Variants in ETFA observed in about 807,000 individuals in gnomAD.
ETFA encodes the protein electron transfer flavoprotein subunit alpha, also known as electron transfer flavoprotein subunit alpha, mitochondrial.
In ETFA, 22 loss-of-function variants were observed where a neutral mutation model predicts 46.2. The observed-to-expected ratio is 0.48, with a 90% CI of 0.34 to 0.68. ETFA has a LOEUF of 0.68. ETFA is among the 30% of genes least tolerant of loss of function. ETFA has a pLI of 0.01. For synonymous variants in ETFA, 131 were observed against 139.9 expected (o/e 0.94, Z 0.45); for missense variants, 345 against 401.1 (o/e 0.86, Z 1.19).
At chr15:76,268,260 T>C (rs1027233159) in intron 9 of ETFA, among the ~76,000 whole-genome samples, 4 of 151,126 alleles carry the variant, frequency 2.6e-5, no homozygotes, top group Non-Finnish European at 4.4e-5. Context: ...GGTATGTTTG[T>C]ACTTTTGCAG....
chr15:76,271,650 T>A (rs1005088042), intron 9 of ETFA, among the ~76,000 whole-genome samples: 1 of 152,200 alleles, frequency 6.6e-6, no homozygotes, highest in Non-Finnish European at 1.5e-5. Context: ...TTAGATGGTA[T>A]TATGTATCAA....
intron 1 of ETFA, among the ~76,000 whole-genome samples, chr15:76,296,016 G>A (rs1289467173): frequency 7.6e-6 from 1 of 132,420 alleles, no homozygotes; most frequent in African/African-American, 2.8e-5. Context: ...TGCGACCATG[G>A]CTCACTGCAA....
intron 7 of ETFA, chr15:76,284,279 A>G (rs895904364): frequency 1.2e-5 from 2 of 171,276 alleles, no homozygotes; most frequent in African/African-American, 4.8e-5. Flanking sequence ...CTTGGCAATA[A>G]GCCTGTCATA....
chr15:76,265,857 G>A (rs992461228), intron 9 of ETFA, among the ~76,000 whole-genome samples: 6 of 152,136 alleles, frequency 3.9e-5, no homozygotes, highest in Non-Finnish European at 5.9e-5. Context: ...CCTTCAGAAG[G>A]ACAAACAGAT....
intron 9 of ETFA, among the ~76,000 whole-genome samples, chr15:76,264,213 G>A (rs1375131865): frequency 6.6e-6 from 1 of 152,162 alleles, no homozygotes; most frequent in Non-Finnish European, 1.5e-5. Flanking sequence ...TTGATAATAG[G>A]TTAATACCAT....
chr15:76,280,754 T>C (rs1173579294), intron 8 of ETFA, among the ~76,000 whole-genome samples: 1 of 152,116 alleles, frequency 6.6e-6, no homozygotes, highest in Non-Finnish European at 1.5e-5. Context: ...TTTTGCACTT[T>C]CCATTCCAAC....
At chr15:76,251,858 T>C (rs2039301755) in intron 9 of ETFA, among the ~76,000 whole-genome samples, 1 of 152,198 alleles carries the variant, frequency 6.6e-6, no homozygotes, top group Non-Finnish European at 1.5e-5. Context: ...AGGCAATTAG[T>C]GTACACTGAG....
intron 9 of ETFA, among the ~76,000 whole-genome samples, chr15:76,265,774 T>C (rs1424559721): frequency 6.6e-6 from 1 of 152,106 alleles, no homozygotes; most frequent in Non-Finnish European, 1.5e-5. Flanking sequence ...GTGATATTAG[T>C]GGACAAATGA....
At chr15:76,228,297 A>T in intron 10 of ETFA, 1 of 295,390 alleles carries the variant, frequency 3.4e-6, no homozygotes, top group Non-Finnish European at 6.5e-6. Context: ...TGATCCTCCC[A>T]CCTCAGCCTC....
At chr15:76,255,824 T>C (rs1183853559) in intron 9 of ETFA, among the ~76,000 whole-genome samples, 1 of 152,136 alleles carries the variant, frequency 6.6e-6, no homozygotes, top group African/African-American at 2.4e-5. Context: ...AAAATGATGG[T>C]GGGTAACACT....
intron 11 of ETFA, among the ~76,000 whole-genome samples, chr15:76,224,235 T>C (rs943137618): frequency 2.0e-5 from 3 of 152,132 alleles, no homozygotes; most frequent in Non-Finnish European, 4.4e-5. Flanking sequence ...TGGAACATCT[T>C]AGTGGGAAAA....
At chr15:76,259,493 A>C in intron 9 of ETFA, 1 of 857,070 alleles carries the variant, frequency 1.2e-6, no homozygotes. Flanking sequence ...GGTAGTTGTA[A>C]ATCTCAGTGT....
chr15:76,291,803 C>T (rs1027347996), intron 4 of ETFA, among the ~76,000 whole-genome samples: 1 of 151,960 alleles, frequency 6.6e-6, no homozygotes, highest in South Asian at 2.1e-4. Flanking sequence ...AAGAATGGAA[C>T]AAAAGAAAAG....
chr15:76,264,627 TATG>T (rs1448874349), intron 9 of ETFA, among the ~76,000 whole-genome samples: 1 of 152,210 alleles, frequency 6.6e-6, no homozygotes, highest in African/African-American at 2.4e-5. Flanking sequence ...GCTTCTTGCA[TATG>T]ATAATGCTAA....
chr15:76,272,924 G>A (rs534332258), intron 9 of ETFA, among the ~76,000 whole-genome samples: 2 of 151,700 alleles, frequency 1.3e-5, no homozygotes, highest in African/African-American at 4.8e-5. Context: ...GGTATGACAA[G>A]CAAACAGGCC....
At chr15:76,287,082 A>C (rs2039711114) in intron 5 of ETFA, among the ~76,000 whole-genome samples, 1 of 152,222 alleles carries the variant, frequency 6.6e-6, no homozygotes, top group Admixed American at 6.5e-5. Context: ...TCAGGCAAAA[A>C]ACGAAGAGTT....
intron 4 of ETFA, among the ~76,000 whole-genome samples, chr15:76,291,721 A>C (rs565832945): frequency 6.0e-5 from 8 of 133,488 alleles, no homozygotes; most frequent in African/African-American, 2.0e-4. Context: ...ACTGCACTCC[A>C]ACCTGGGCGA....
chr15:76,257,348 G>A (rs1196736252), intron 9 of ETFA, among the ~76,000 whole-genome samples: 1 of 152,178 alleles, frequency 6.6e-6, no homozygotes, highest in Admixed American at 6.5e-5. Flanking sequence ...AAGATATTTT[G>A]AGAAGTGTCT....
At chr15:76,260,947 G>A (rs1251199502) in intron 9 of ETFA, 44 of 1,611,292 alleles carry the variant, frequency 2.7e-5, no homozygotes, top group Middle Eastern at 2.1e-4. Context: ...GACTGCAGCA[G>A]GGCTCGGCCA....
Sources: allele counts gnomAD v4.1 joint callset (sites outside exome capture counted in the v4.1 genomes callset), GRCh38; gene constraint gnomAD v4.1.1; transcripts MANE v1.5; gene names NCBI Gene and HGNC (gene_info 2026-07-23, HGNC 2026-07-21).